Variants in JAKMIP1 observed in about 807,000 individuals in gnomAD.
The protein encoded by JAKMIP1 is janus kinase and microtubule-interacting protein 1.
JAKMIP1 carries 33 observed loss-of-function variants against 113.0 expected under a neutral mutation model. The ratio of observed to expected loss-of-function variants is 0.29; its 90% CI spans 0.22 to 0.39. The LOEUF is 0.39. Among genes scored for constraint, JAKMIP1 ranks in the 10% least tolerant of loss-of-function variants. JAKMIP1 has a pLI of 1.00. For missense variants in JAKMIP1, 813 were observed against 1,080.5 expected, an observed-to-expected ratio of 0.75 and a Z score of 3.47; for synonymous variants, 480 against 459.9, an observed-to-expected ratio of 1.04 and a Z score of -0.56.
At position 6,075,386 on chromosome 4, in the gene JAKMIP1, G is replaced by A. The variant is rs1012074685; in HGVS notation, c.1302+3553C>T. Reference sequence around the variant, plus strand: ...AAGGCAACCCTGGATTACAAAACCTGCTTGGGCCCCGATGGATCCAAGTAT... The same window carrying A: ...AAGGCAACCCTGGATTACAAAACCTACTTGGGCCCCGATGGATCCAAGTAT... On this transcript the variant is annotated intron_variant, in intron 8 of 20. Transcript: ENST00000409021. Among the ~76,000 whole-genome samples the A allele has an allele frequency of 5.3e-5, 8 of 152,300 alleles. No individual in the cohort carries two copies. In the South Asian group the frequency reaches 1.7e-3, roughly 32 times the overall value.
intron 3 of JAKMIP1, among the ~76,000 whole-genome samples, chr4:6,103,413 A>C (rs1233418270): frequency 1.3e-5 from 2 of 152,186 alleles, no homozygotes; most frequent in Non-Finnish European, 2.9e-5. Flanking sequence ...TGATATGTTA[A>C]TATCTTGCTC....
Position 6,148,689 on chromosome 4 carries a change from G to A in JAKMIP1, c.-147-35692C>T, listed in dbSNP as rs917169215. Among the ~76,000 whole-genome samples, 33 of 152,348 alleles carry A rather than the reference G, an allele frequency of 2.2e-4. 1 individual carries two copies. The highest frequency in any genetic ancestry group is 1.9e-3 in the Admixed American group (29 of 15,310). ...GAGCCCCAATAAACGGCAGCCCTGC[G>A]TTCTTGTTTATTGTTACTTGTTTAT... is the stretch of plus-strand genomic sequence containing the variant. On this transcript the variant is annotated intron_variant, in intron 1 of 20. Transcript: ENST00000409021.
At position 6,040,177 on chromosome 4, in the gene JAKMIP1, T is replaced by G. The variant is rs1019444462; in HGVS notation, c.2175+462A>C. Among the ~76,000 whole-genome samples the G allele has an allele frequency of 6.6e-6, 1 of 152,212 alleles. No individual in the cohort carries two copies. Among genetic ancestry groups the G allele is most frequent in the African/African-American group, 2.4e-5 (1 of 41,448 alleles). The stretch of plus-strand genomic sequence containing the variant: ...TCACCAGGACGCCCAGAATCAATTT[T>G]GCAACCCAAATGCAGTATTACATCC... On this transcript the variant is annotated intron_variant, in intron 18 of 20. Coordinates refer to ENST00000409021, the MANE Select transcript of JAKMIP1 (RefSeq NM_001099433.2). The surrounding 1 kb of genome is among the most constrained non-coding windows in gnomAD (Gnocchi z 5.8).
intron 3 of JAKMIP1, among the ~76,000 whole-genome samples, chr4:6,087,162 A>G (rs1188219635): frequency 6.6e-6 from 1 of 152,216 alleles, no homozygotes; most frequent in Non-Finnish European, 1.5e-5. Context: ...TTACTTCTAA[A>G]TCATAAACCT....
In JAKMIP1 at chr4:6,187,659, G is replaced by C. The variant is rs1726795132; in HGVS notation, c.-148+12594C>G. ...CAGACACTGAATCTGCCGGTACCTT[G>C]ATCTTGGACTTCCCAGCCTCTAGAA... is the stretch of plus-strand genomic sequence containing the variant. On this transcript the variant is annotated intron_variant, in intron 1 of 20. Coordinates refer to ENST00000409021, the MANE Select transcript of JAKMIP1 (RefSeq NM_001099433.2). This position sits in a 1 kb window ranked among gnomAD's most constrained non-coding sequence, Gnocchi z 4.2. Among the ~76,000 whole-genome samples the C allele has an allele frequency of 6.6e-6, 1 of 152,214 alleles. No individual in the cohort carries two copies. The highest frequency in any genetic ancestry group is 1.5e-5 in the Non-Finnish European group (1 of 68,038).
chr4:6,095,742 TA>T lies in JAKMIP1; in HGVS notation c.624+9730del, dbSNP rs1400534160. 3.3e-5 allele frequency among the ~76,000 whole-genome samples: 5 copies of T among 152,260 alleles called. No individual in the cohort carries two copies. In the East Asian group the frequency reaches 9.6e-4, roughly 29 times the overall value. On this transcript the variant is annotated intron_variant, in intron 3 of 20. Transcript: ENST00000409021. Reference sequence around the variant, plus strand: ...ACTCCTGGAAGTGGAATTAGCACACTAAAGGGCAGGAGCGTGCATAAAGCTG... The same window carrying T: ...ACTCCTGGAAGTGGAATTAGCACACTAAGGGCAGGAGCGTGCATAAAGCTG...
intron 2 of JAKMIP1, among the ~76,000 whole-genome samples, chr4:6,109,345 G>A (rs775495094): frequency 6.6e-6 from 1 of 151,818 alleles, no homozygotes; most frequent in Non-Finnish European, 1.5e-5. Flanking sequence ...GTGTTAGCCA[G>A]GATGGTCTCG....
At chr4:6,114,343 G>A (rs1229659342) in intron 1 of JAKMIP1, among the ~76,000 whole-genome samples, 1 of 152,218 alleles carries the variant, frequency 6.6e-6, no homozygotes, top group East Asian at 1.9e-4. Context: ...GCCCCAAAGA[G>A]GTCAAGGTGA....
intron 18 of JAKMIP1, among the ~76,000 whole-genome samples, chr4:6,039,840 CA>C (rs1714082388): frequency 6.6e-6 from 1 of 152,146 alleles, no homozygotes; most frequent in Admixed American, 6.5e-5. Flanking sequence ...TGGAGCCTGT[CA>C]TGGGAAGTAG....
chr4:6,092,866 T>G (rs1043696602), intron 3 of JAKMIP1, among the ~76,000 whole-genome samples: 1 of 152,194 alleles, frequency 6.6e-6, no homozygotes, highest in Non-Finnish European at 1.5e-5. Context: ...GGGCACAAGG[T>G]GTTTGCTTGT....
Position 6,080,050 on chromosome 4 carries a change from G to C in JAKMIP1, c.1242+122C>G. 1 of 1,151,850 alleles carries C rather than the reference G, an allele frequency of 8.7e-7. No homozygotes were observed. Among genetic ancestry groups the C allele is most frequent in the Non-Finnish European group, 1.2e-6 (1 of 833,712 alleles). The allele number at this position is 1,151,850 out of a possible 1,614,324, so 71.4% of individuals were successfully genotyped here. ...GTGAGCTTGGTGAGTCCCAAAGTCA[G>C]CACTGCCTGACCCTGACCCAGCTCA... is the stretch of plus-strand genomic sequence containing the variant. On this transcript the variant is annotated intron_variant, in intron 7 of 20. Coordinates refer to ENST00000409021, the MANE Select transcript of JAKMIP1 (RefSeq NM_001099433.2). The surrounding 1 kb of genome is among the most constrained non-coding windows in gnomAD (Gnocchi z 6.0).
rs111493590 is a variant in JAKMIP1, at chr4:6,108,547, T to C, written c.130-2580A>G. ...AGTGAGTCAGATTCACCCCTTTCCATCCTCATCCTCATCCAATCCAGCAGC... is the reference window on the plus strand; with the variant it reads ...AGTGAGTCAGATTCACCCCTTTCCACCCTCATCCTCATCCAATCCAGCAGC... On this transcript the variant is annotated intron_variant, in intron 2 of 20. Transcript: ENST00000409021. The surrounding 1 kb of genome is among the most constrained non-coding windows in gnomAD (Gnocchi z 5.6). Among the ~76,000 whole-genome samples, 8,047 of 152,016 alleles carry C rather than the reference T, an allele frequency of 0.053. 249 individuals carry two copies. Among genetic ancestry groups the C allele is most frequent in the South Asian group, 0.068 (326 of 4,800 alleles).
chr4:6,200,094 A>T lies in JAKMIP1; in HGVS notation c.-148+159T>A, dbSNP rs1309281397. On this transcript the variant is annotated intron_variant, in intron 1 of 20. Coordinates refer to ENST00000409021, the MANE Select transcript of JAKMIP1 (RefSeq NM_001099433.2). The surrounding 1 kb of genome is among the most constrained non-coding windows in gnomAD (Gnocchi z 7.0). ...GGATGCGAGAGTGGAAGGGGGACCC[A>T]GAGGGGGCGCGATGGCCGGAGGAGG... 7.4e-6 allele frequency among the ~76,000 whole-genome samples: 1 copy of T among 135,342 alleles called. No homozygotes were observed. Among genetic ancestry groups the T allele is most frequent in the African/African-American group, 2.8e-5 (1 of 35,312 alleles). The allele number at this position is 135,342 out of a possible 152,430, so 88.8% of individuals were successfully genotyped here.
chr4:6,047,091 A>T (rs1003601998), intron 16 of JAKMIP1, among the ~76,000 whole-genome samples: 1 of 152,340 alleles, frequency 6.6e-6, no homozygotes, highest in East Asian at 1.9e-4. Flanking sequence ...ATTCCGACAG[A>T]CACTGTGAGC....
At chr4:6,198,369 C>G (rs928628802) in intron 1 of JAKMIP1, among the ~76,000 whole-genome samples, 4 of 151,770 alleles carry the variant, frequency 2.6e-5, no homozygotes, top group African/African-American at 9.7e-5. Flanking sequence ...GACATGTCTA[C>G]GCAACACAGA....
chr4:6,152,807 TATAC>T (rs1560283906), intron 1 of JAKMIP1, among the ~76,000 whole-genome samples: 2 of 121,256 alleles, frequency 1.6e-5, no homozygotes, highest in East Asian at 2.0e-4. Context: ...TATATATATA[TATAC>T]ATATATATAT....
chr4:6,084,912 T>C lies in JAKMIP1; in HGVS notation c.888A>G (p.Glu296=). The C allele has an allele frequency of 6.3e-7, 1 of 1,596,744 alleles. No individual in the cohort carries two copies. Among genetic ancestry groups the C allele is most frequent in the Non-Finnish European group, 8.5e-7 (1 of 1,175,166 alleles). ...CCAGCTTCCGTATCACTGAATTCAG[T>C]TCAGCAATTTTTAGTTGAAATCGCC... The part of the protein sequence containing the change: ...DVRRFQLKIA[E]LNSVIRKLED... The change falls in exon 5 of 21, where the codon GAA becomes GAG. Residue 296 remains glutamate (E), a synonymous_variant. Transcript: ENST00000409021.
intron 1 of JAKMIP1, among the ~76,000 whole-genome samples, chr4:6,134,635 A>G (rs1178800201): frequency 6.6e-6 from 1 of 152,108 alleles, no homozygotes; most frequent in Non-Finnish European, 1.5e-5. Flanking sequence ...CCCCGCCACC[A>G]GACTCGGTGC....
chr4:6,165,976 A>G (rs1424753652), intron 1 of JAKMIP1, among the ~76,000 whole-genome samples: 1 of 151,954 alleles, frequency 6.6e-6, no homozygotes, highest in East Asian at 1.9e-4. Flanking sequence ...GGCTGCCGGC[A>G]TTTCTGGGTT....
Sources: gnomAD v4.1 joint callset for allele counts (sites outside exome capture counted in the v4.1 genomes callset) on GRCh38, gnomAD v4.1.1 for gene constraint, Gnocchi (gnomAD v3.1) non-coding constraint, MANE v1.5 for transcripts, NCBI Gene and HGNC (gene_info 2026-07-23, HGNC 2026-07-21) for gene names.